The following COL5A1 variants were observed in gnomAD, a reference collection of about 807,000 sequenced individuals.
COL5A1 encodes collagen alpha-1(V) chain.
Under a neutral mutation model 263.7 loss-of-function variants are expected in COL5A1, and 16 were observed. The observed-to-expected ratio is 0.06, with a 90% CI of 0.04 to 0.09. The LOEUF (loss-of-function observed/expected upper bound fraction) is 0.09, where lower values mean the gene tolerates loss of function less well. Ranked by LOEUF, COL5A1 falls within the 10% of genes least tolerant of loss-of-function variation. The probability of loss-of-function intolerance (pLI) is 1.00; values close to 1 mark genes in which losing one functional copy is unlikely to be tolerated. For missense variants in COL5A1, 2,036 were observed against 2,540.5 expected, an observed-to-expected ratio of 0.80 and a Z score of 4.27; for synonymous variants, 1,012 against 1,004.5, an observed-to-expected ratio of 1.01 and a Z score of -0.14.
intron 11 of COL5A1, among the ~76,000 whole-genome samples, chr9:134,748,250 C>T (rs997681571): frequency 5.9e-5 from 9 of 151,890 alleles, no homozygotes; most frequent in Non-Finnish European, 1.2e-4. Context: ...TGCACACATG[C>T]ATTTACACAT....
At chr9:134,827,244 C>T (rs910876562) in intron 63 of COL5A1, among the ~76,000 whole-genome samples, 44 of 152,212 alleles carry the variant, frequency 2.9e-4, no homozygotes, top group Non-Finnish European at 2.8e-4. Flanking sequence ...ATCCCCTTAC[C>T]CCTCAATCAC....
intron 42 of COL5A1, 97 bp from the exon 43 acceptor site, chr9:134,809,086 C>G (rs1838411430): frequency 9.0e-7 from 1 of 1,112,736 alleles, no homozygotes; most frequent in Non-Finnish European, 1.3e-6. Context: ...CCAACTCCCA[C>G]TTCCTGCCAG....
chr9:134,728,964 C>T (rs566003535), intron 6 of COL5A1, among the ~76,000 whole-genome samples, 157 bp downstream of exon 6: 2 of 152,234 alleles, frequency 1.3e-5, no homozygotes, highest in South Asian at 2.1e-4. Context: ...TGTTGCCATC[C>T]GAGCTTTGCT....
At chr9:134,828,448 A>T (rs1280752422) in intron 63 of COL5A1, among the ~76,000 whole-genome samples, 4 of 148,780 alleles carry the variant, frequency 2.7e-5, no homozygotes, top group African/African-American at 1.0e-4. Context: ...ACACACACAC[A>T]CACACACGCA....
intron 11 of COL5A1, among the ~76,000 whole-genome samples, chr9:134,749,878 C>G (rs1474913506): frequency 6.6e-6 from 1 of 152,206 alleles, no homozygotes; most frequent in Admixed American, 6.5e-5. Context: ...GTATAGTGGT[C>G]TGAAGCTGGC....
At position 134,843,510 on chromosome 9, in the gene COL5A1, G is replaced by A. The variant is rs1247581344; in HGVS notation, c.*1207G>A. On this transcript the variant is annotated 3_prime_UTR_variant, in exon 66 of 66. Coordinates refer to ENST00000371817, the MANE Select transcript of COL5A1 (RefSeq NM_000093.5). ...TGTTGCCAAGGACTCTAAGATCAAT[G>A]CACGTCACTTTCCTTTCCACTGGGC... The A allele has an allele frequency of 6.6e-6, 1 of 152,632 alleles. No homozygotes were observed. The highest frequency in any genetic ancestry group is 2.4e-5 in the African/African-American group (1 of 41,416). 9.5% of individuals were successfully genotyped at this position (152,632 alleles called of 1,614,324 possible).
rs771090557 is a variant in COL5A1, at chr9:134,795,125, C to T, written c.2744C>T (p.Thr915Met). 1.9e-5 allele frequency: 30 copies of T among 1,613,882 alleles called. No individual in the cohort carries two copies. The highest frequency in any genetic ancestry group is 8.3e-5 in the Admixed American group (5 of 59,988). Residue 915 changes from threonine to methionine, a missense_variant and splice_region_variant, in exon 33 of 66, where the codon ACG becomes ATG. Thr to Met is a moderately conservative substitution (Grantham distance 81). Around this residue, in one of 3 missense-constraint regions of COL5A1, gnomAD observed 1,078 missense variants for 1,521.4 expected, o/e 0.71. Coordinates refer to ENST00000371817, the MANE Select transcript of COL5A1 (RefSeq NM_000093.5). ...GGACCGCGGGGGCAGCGAGGCCCAACGGTAACCACCCTTTCAGCTTGTGGG... is the reference window on the plus strand; with the variant it reads ...GGACCGCGGGGGCAGCGAGGCCCAATGGTAACCACCCTTTCAGCTTGTGGG... The part of the protein sequence containing the change: ...KPGPRGQRGP[T>M]GPRGERGPRG...
intron 2 of COL5A1, among the ~76,000 whole-genome samples, chr9:134,694,033 G>A (rs1275409085): frequency 1.3e-5 from 2 of 152,218 alleles, no homozygotes; most frequent in Non-Finnish European, 2.9e-5. Context: ...AGGTGGCCAC[G>A]GCAAGGCCTG....
chr9:134,664,234 C>T (rs746055691), intron 1 of COL5A1, among the ~76,000 whole-genome samples: 14 of 152,072 alleles, frequency 9.2e-5, no homozygotes, highest in Non-Finnish European at 1.5e-4. Context: ...ATCTGAGATG[C>T]GAACTTTAAA....
chr9:134,808,373 A>G (rs1838371718), intron 42 of COL5A1, among the ~76,000 whole-genome samples: 1 of 152,210 alleles, frequency 6.6e-6, no homozygotes, highest in Non-Finnish European at 1.5e-5. Flanking sequence ...AAGAAGGATC[A>G]TTTGAGATTA....
chr9:134,689,758 G>A (rs1331257336), intron 1 of COL5A1, among the ~76,000 whole-genome samples: 1 of 152,226 alleles, frequency 6.6e-6, no homozygotes, highest in Non-Finnish European at 1.5e-5. Context: ...AGCAGAGGGG[G>A]CACGGCCAAC....
chr9:134,809,068 C>G lies in COL5A1; in HGVS notation c.3367-115C>G, dbSNP rs1043914109. 4 of 922,930 alleles carry G rather than the reference C, an allele frequency of 4.3e-6. No homozygotes were observed. In the African/African-American group the frequency reaches 6.5e-5, roughly 15 times the overall value. The allele number at this position is 922,930 out of a possible 1,614,324, so 57.2% of individuals were successfully genotyped here. On this transcript the variant is annotated intron_variant, in intron 42 of 65. Transcript: ENST00000371817. ...AATCCATTAGGACTGTGGGGACGGT[C>G]ACCCTCACCAACTCCCACTTCCTGC... is the stretch of plus-strand genomic sequence containing the variant.
At chr9:134,673,552 A>G (rs991186286) in intron 1 of COL5A1, among the ~76,000 whole-genome samples, 1 of 152,146 alleles carries the variant, frequency 6.6e-6, no homozygotes, top group African/African-American at 2.4e-5. Context: ...ACCTCAAATA[A>G]TATACAAAAA....
intron 65 of COL5A1, among the ~76,000 whole-genome samples, chr9:134,835,514 C>T (rs892947073): frequency 6.6e-6 from 1 of 152,210 alleles, no homozygotes; most frequent in African/African-American, 2.4e-5. Flanking sequence ...AATGGAGGAC[C>T]CGTTGTGGTT....
At chr9:134,717,289 G>A (rs1207189620) in intron 4 of COL5A1, among the ~76,000 whole-genome samples, 1 of 152,218 alleles carries the variant, frequency 6.6e-6, no homozygotes, top group Non-Finnish European at 1.5e-5. Context: ...GCAAGAGACT[G>A]CTGATGATGG....
At chr9:134,701,414 C>A in intron 4 of COL5A1, 81 bp downstream of exon 4, 1 of 1,440,002 alleles carries the variant, frequency 6.9e-7, no homozygotes, top group Non-Finnish European at 9.6e-7. Context: ...TTGGAGGAGG[C>A]TCCTCGGGCC....
Position 134,655,176 on chromosome 9 carries a change from G to A in COL5A1, c.109+12880G>A, listed in dbSNP as rs868494791. ...TAGGGCTGGTGTGTGTATAAGGCAGGGGTTTGTAGGGCTGGGGTTGTGTTG... is the reference window on the plus strand; with the variant it reads ...TAGGGCTGGTGTGTGTATAAGGCAGAGGTTTGTAGGGCTGGGGTTGTGTTG... On this transcript the variant is annotated intron_variant, in intron 1 of 65. Coordinates refer to ENST00000371817, the MANE Select transcript of COL5A1 (RefSeq NM_000093.5). Among the ~76,000 whole-genome samples the A allele has an allele frequency of 5.3e-5, 8 of 151,522 alleles. No individual in the cohort carries two copies. The South Asian group carries it at 1.5e-3, about 28-fold the overall frequency.
intron 43 of COL5A1, among the ~76,000 whole-genome samples, chr9:134,809,630 G>A (rs1418621907): frequency 6.6e-6 from 1 of 152,218 alleles, no homozygotes; most frequent in African/African-American, 2.4e-5. Flanking sequence ...TGCGGAGCCC[G>A]GTTTAATGAG....
chr9:134,691,207 G>T, intron 2 of COL5A1, 128 bp downstream of exon 2: 1 of 1,217,556 alleles, frequency 8.2e-7, no homozygotes, highest in Admixed American at 1.9e-5. Context: ...CCTCTCACGA[G>T]CCCGGCTTCG....
Sources: gnomAD v4.1 joint callset for allele counts (sites outside exome capture counted in the v4.1 genomes callset) on GRCh38, gnomAD v4.1.1 for gene constraint, gnomAD v4.1.1 regional missense constraint, MANE v1.5 for transcripts, NCBI Gene and HGNC (gene_info 2026-07-23, HGNC 2026-07-21) for gene names.